Variants in TAFA1 observed in about 807,000 individuals in gnomAD.
The protein encoded by TAFA1 is TAFA chemokine like family member 1.
A neutral mutation model predicts 18.5 loss-of-function variants in TAFA1; 4 were observed. That is an observed-to-expected ratio of 0.22 (90% CI 0.11 to 0.49). The LOEUF is 0.49. Among genes scored for constraint, TAFA1 ranks in the 20% least tolerant of loss-of-function variants. The pLI, the probability that TAFA1 is intolerant of heterozygous loss-of-function variation, is 0.98. For missense variants in TAFA1, 147 were observed against 169.0 expected, an observed-to-expected ratio of 0.87 and a Z score of 0.72; for synonymous variants, 56 against 55.2, an observed-to-expected ratio of 1.01 and a Z score of -0.06.
At chr3:68,453,745 AT>A (rs1465019552) in intron 3 of TAFA1, among the ~76,000 whole-genome samples, 3 of 152,184 alleles carry the variant, frequency 2.0e-5, no homozygotes, top group Non-Finnish European at 4.4e-5. Context: ...GTGAATGCTC[AT>A]TTTATTCCTG....
At position 68,358,751 on chromosome 3, in the gene TAFA1, G is replaced by A. The variant is rs113946240; in HGVS notation, c.119-58529G>A. Among the ~76,000 whole-genome samples the A allele has an allele frequency of 1.8e-4, 28 of 152,000 alleles. No homozygotes were observed. In the South Asian group the frequency reaches 3.7e-3, roughly 20 times the overall value. The stretch of plus-strand genomic sequence containing the variant: ...AACTTGTAGCCTTCAGGATGACAGA[G>A]CCTATGGCATGTATTAGTGATACCT... On this transcript the variant is annotated intron_variant, in intron 2 of 4. Coordinates refer to ENST00000478136, the MANE Select transcript of TAFA1 (RefSeq NM_213609.4).
intron 2 of TAFA1, among the ~76,000 whole-genome samples, chr3:68,307,956 A>G (rs1484411749): frequency 6.6e-6 from 1 of 152,186 alleles, no homozygotes. Flanking sequence ...GTGTTCTGAA[A>G]TTATTATATA....
intron 2 of TAFA1, among the ~76,000 whole-genome samples, chr3:68,390,403 T>A (rs2070209011): frequency 6.6e-6 from 1 of 152,130 alleles, no homozygotes; most frequent in African/African-American, 2.4e-5. Context: ...AGAGCACCTA[T>A]GGGAAGGGGC....
At chr3:68,402,212 G>T (rs1202064093) in intron 2 of TAFA1, among the ~76,000 whole-genome samples, 1 of 152,104 alleles carries the variant, frequency 6.6e-6, no homozygotes, top group African/African-American at 2.4e-5. Context: ...AGCTCACCTT[G>T]AATGCACCGG....
intron 2 of TAFA1, among the ~76,000 whole-genome samples, chr3:68,130,658 CT>C (rs921800614): frequency 4.7e-4 from 72 of 152,298 alleles, no homozygotes; most frequent in African/African-American, 1.4e-3. Context: ...ACTTCTCCAA[CT>C]TTTTTCTCAT....
chr3:68,074,166 A>C (rs914267873), intron 2 of TAFA1, among the ~76,000 whole-genome samples: 5 of 152,108 alleles, frequency 3.3e-5, no homozygotes, highest in Non-Finnish European at 5.9e-5. Context: ...TTCACAATAG[A>C]GTTCTTGCTC....
chr3:68,068,154 A>G (rs1327870859), intron 2 of TAFA1, among the ~76,000 whole-genome samples: 1 of 152,206 alleles, frequency 6.6e-6, no homozygotes, highest in East Asian at 1.9e-4. Flanking sequence ...CTAAGCAAGC[A>G]CTTTTAACTT....
chr3:68,266,267 G>C (rs2107214410), intron 2 of TAFA1, among the ~76,000 whole-genome samples: 1 of 152,288 alleles, frequency 6.6e-6, no homozygotes, highest in South Asian at 2.1e-4. Context: ...AGTTGGTAGA[G>C]AGTGAAGCTT....
At chr3:68,379,073 G>A (rs904126381) in intron 2 of TAFA1, among the ~76,000 whole-genome samples, 1 of 152,116 alleles carries the variant, frequency 6.6e-6, no homozygotes, top group African/African-American at 2.4e-5. Context: ...TCAGTTTTTT[G>A]AGGAATCACC....
chr3:68,442,723 C>T (rs34094299), intron 3 of TAFA1, among the ~76,000 whole-genome samples: 1 of 152,110 alleles, frequency 6.6e-6, no homozygotes, highest in Non-Finnish European at 1.5e-5. Flanking sequence ...CACAAAATGG[C>T]TCAGTGTAGC....
Position 68,136,380 on chromosome 3 carries a change from C to G in TAFA1, c.118+129636C>G, listed in dbSNP as rs1311264128. On this transcript the variant is annotated intron_variant, in intron 2 of 4. Transcript: ENST00000478136. ...AAATGCAAATAGTCAGGCTGAAGCT[C>G]TGCTGTAAAGTAAAGGTACACCCAC... Among the ~76,000 whole-genome samples the G allele has an allele frequency of 2.6e-5, 4 of 152,164 alleles. No homozygotes were observed. In the East Asian group the frequency reaches 7.7e-4, roughly 29 times the overall value.
At chr3:67,996,805 A>C in the TAFA1 span, among the ~76,000 whole-genome samples, 1 of 48,092 alleles carries the variant, frequency 2.1e-5, no homozygotes, top group Non-Finnish European at 4.6e-5. Flanking sequence ...AAAAAACAAA[A>C]ATAAGAAAAA....
rs533177021 is a variant in TAFA1 at position 68,336,056 on chromosome 3, C to A, written c.119-81224C>A. On this transcript the variant is annotated intron_variant, in intron 2 of 4. Coordinates refer to ENST00000478136, the MANE Select transcript of TAFA1 (RefSeq NM_213609.4). ...TGGCAAACCTGGGCTTGAAGCCCAG[C>A]ACCACACTTTTGCCAGCTGTGTGGT... 5.3e-5 allele frequency among the ~76,000 whole-genome samples: 8 copies of A among 152,340 alleles called. No individual in the cohort carries two copies. The East Asian group carries it at 1.5e-3, about 29-fold the overall frequency.
intron 2 of TAFA1, among the ~76,000 whole-genome samples, chr3:68,230,865 A>G (rs1014111397): frequency 6.6e-6 from 1 of 152,132 alleles, no homozygotes; most frequent in African/African-American, 2.4e-5. Flanking sequence ...CATTTCTCTG[A>G]TATTAGTGAT....
intron 2 of TAFA1, among the ~76,000 whole-genome samples, chr3:68,011,431 T>C (rs904874437): frequency 6.6e-6 from 1 of 152,180 alleles, no homozygotes; most frequent in African/African-American, 2.4e-5. Context: ...GATATATTCA[T>C]TTTTGCCTTG....
At chr3:68,183,316 C>T (rs2066229361) in intron 2 of TAFA1, among the ~76,000 whole-genome samples, 1 of 151,980 alleles carries the variant, frequency 6.6e-6, no homozygotes, top group Admixed American at 6.6e-5. Context: ...CTCATTATGC[C>T]CCATGATTGG....
At chr3:68,502,870 C>T (rs934985597) in intron 3 of TAFA1, among the ~76,000 whole-genome samples, 1 of 152,136 alleles carries the variant, frequency 6.6e-6, no homozygotes, top group African/African-American at 2.4e-5. Context: ...CAGACCAACA[C>T]TCTTACACAA....
intron 2 of TAFA1, among the ~76,000 whole-genome samples, chr3:68,235,854 GA>G (rs1559569977): frequency 6.6e-6 from 1 of 152,112 alleles, no homozygotes; most frequent in Non-Finnish European, 1.5e-5. Context: ...AAATAAAGCA[GA>G]AAAGAGTAGA....
At chr3:68,400,775 A>G (rs993492859) in intron 2 of TAFA1, among the ~76,000 whole-genome samples, 2 of 152,208 alleles carry the variant, frequency 1.3e-5, no homozygotes, top group African/African-American at 4.8e-5. Context: ...TTGAGGGGAA[A>G]ATACACTAGG....
Sources: gnomAD v4.1 joint callset for allele counts (sites outside exome capture counted in the v4.1 genomes callset) on GRCh38, gnomAD v4.1.1 for gene constraint, MANE v1.5 for transcripts, NCBI Gene and HGNC (gene_info 2026-07-23, HGNC 2026-07-21) for gene names.